STK32C: variants seen among roughly 807,000 people sequenced by gnomAD.
STK32C encodes serine/threonine-protein kinase 32C.
In STK32C, 31 loss-of-function variants were observed where a neutral mutation model predicts 56.5. That is an observed-to-expected ratio of 0.55 (90% CI 0.41 to 0.74). STK32C has a LOEUF of 0.74. STK32C is among the 30% of genes least tolerant of loss of function. The pLI, the probability that STK32C is intolerant of heterozygous loss-of-function variation, is 0.00. For missense variants in STK32C, 544 were observed against 676.9 expected (o/e 0.80, Z 2.18); for synonymous variants, 309 against 289.4 (o/e 1.07, Z -0.69).
intron 1 of STK32C, among the ~76,000 whole-genome samples, chr10:132,326,543 G>A (rs931573062): frequency 1.1e-4 from 17 of 152,120 alleles, no homozygotes; most frequent in Admixed American, 1.0e-3. Flanking sequence ...AGCTAGTCTC[G>A]ATCTCTTGAC....
intron 1 of STK32C, among the ~76,000 whole-genome samples, chr10:132,300,261 A>G (rs147852880): frequency 6.6e-6 from 1 of 152,202 alleles, no homozygotes; most frequent in Non-Finnish European, 1.5e-5. Flanking sequence ...ATTGGGGGCG[A>G]CACTGACTCC....
At chr10:132,242,749 G>C (rs886655700) in intron 2 of STK32C, among the ~76,000 whole-genome samples, 1 of 152,178 alleles carries the variant, frequency 6.6e-6, no homozygotes, top group Admixed American at 6.5e-5. Context: ...CCCTGCACAC[G>C]TAACACTAAT....
intron 4 of STK32C, 140 bp downstream of exon 4, chr10:132,226,655 G>A: frequency 1.0e-6 from 1 of 996,612 alleles, no homozygotes; most frequent in Non-Finnish European, 1.5e-6. Context: ...CACAGCTGGG[G>A]GCAGGCACTC....
intron 2 of STK32C, among the ~76,000 whole-genome samples, chr10:132,230,446 C>G (rs969735839): frequency 1.3e-5 from 2 of 152,352 alleles, no homozygotes; most frequent in African/African-American, 4.8e-5. Context: ...ACGGTGCTTT[C>G]CTGCGCCAGC....
chr10:132,307,435 C>T lies in STK32C; in HGVS notation c.262+137G>A, dbSNP rs919050200. On this transcript the variant is annotated intron_variant, in intron 1 of 11. Transcript: ENST00000298630. This position sits in a 1 kb window ranked among gnomAD's most constrained non-coding sequence, Gnocchi z 4.4. Reference sequence around the variant, plus strand: ...CGCGTGGGGCCGCAGCCACCCGGCGCGAGCTTCTCCGGAAGCCGGGGCGCC... The same window carrying T: ...CGCGTGGGGCCGCAGCCACCCGGCGTGAGCTTCTCCGGAAGCCGGGGCGCC... 7.8e-6 allele frequency: 8 copies of T among 1,031,216 alleles called. No homozygotes were observed. The African/African-American group carries it at 1.2e-4, about 16-fold the overall frequency. The allele number at this position is 1,031,216 out of a possible 1,614,324, so 63.9% of individuals were successfully genotyped here.
At chr10:132,227,555 T>C (rs991247534) in intron 3 of STK32C, among the ~76,000 whole-genome samples, 1 of 151,820 alleles carries the variant, frequency 6.6e-6, no homozygotes, top group Non-Finnish European at 1.5e-5. Context: ...TTGATTATAG[T>C]GATGACGGTG....
exon 2 of STK32C, chr10:132,324,134 G>A (rs11146329): frequency 0.12 from 82,401 of 679,124 alleles, 5,715 homozygotes; most frequent in South Asian, 0.18. Flanking sequence ...CACAGCAGCT[G>A]GGAAAATGGA....
At chr10:132,212,350 G>A (rs60552258) in intron 10 of STK32C, among the ~76,000 whole-genome samples, 5,479 of 152,286 alleles carry the variant, frequency 0.036, 445 homozygotes, top group East Asian at 0.35. Context: ...AATGGTGCTA[G>A]GACAGTCAGA....
rs553537997 is a variant in STK32C at position 132,280,898 on chromosome 10, C to A, written c.262+26674G>T. On this transcript the variant is annotated intron_variant, in intron 1 of 11. Coordinates refer to ENST00000298630, the MANE Select transcript of STK32C (RefSeq NM_173575.4). ...CACGCCCCTGCACTCCGTGACCACG[C>A]CCCTGCATCCTGTGACCATGCCCCT... is the stretch of plus-strand genomic sequence containing the variant. 9.9e-5 allele frequency among the ~76,000 whole-genome samples: 15 copies of A among 150,762 alleles called. 1 individual carries two copies. In the South Asian group the frequency reaches 3.0e-3, roughly 30 times the overall value.
chr10:132,251,257 G>A (rs2063895095), intron 1 of STK32C, among the ~76,000 whole-genome samples: 1 of 152,220 alleles, frequency 6.6e-6, no homozygotes, highest in Non-Finnish European at 1.5e-5. Context: ...GCTCTCATGG[G>A]GGCCCGTGGA....
At chr10:132,251,031 G>A (rs992566742) in intron 1 of STK32C, among the ~76,000 whole-genome samples, 3 of 152,196 alleles carry the variant, frequency 2.0e-5, no homozygotes, top group African/African-American at 7.2e-5. Context: ...AGGGGAGCCA[G>A]GGATGTCCCA....
rs1377132850 is a variant in STK32C, at chr10:132,233,989, T to C, written c.319-5861A>G. Among the ~76,000 whole-genome samples, 3 of 152,150 alleles carry C rather than the reference T, an allele frequency of 2.0e-5. No individual in the cohort carries two copies. In the East Asian group the frequency reaches 5.8e-4, roughly 29 times the overall value. ...CGCCACTGTGGAACTACTATGGACA[T>C]ACTGTTTTCTGGTGCTTGCATGCAA... On this transcript the variant is annotated intron_variant, in intron 2 of 11. Transcript: ENST00000298630.
chr10:132,222,538 G>C, intron 10 of STK32C, 103 bp downstream of exon 10: 3 of 1,430,570 alleles, frequency 2.1e-6, no homozygotes, highest in Non-Finnish European at 2.8e-6. Flanking sequence ...CTGGACTTCC[G>C]AGACGTGTGC....
At chr10:132,317,597 G>A (rs1426445094) in intron 1 of STK32C, among the ~76,000 whole-genome samples, 2 of 152,100 alleles carry the variant, frequency 1.3e-5, no homozygotes, top group East Asian at 1.9e-4. Context: ...TTCACATGGT[G>A]TGGTGGCATG....
intron 2 of STK32C, among the ~76,000 whole-genome samples, chr10:132,243,380 G>C (rs2063571446): frequency 6.6e-6 from 1 of 152,182 alleles, no homozygotes; most frequent in African/African-American, 2.4e-5. Context: ...AGCAGCCTGG[G>C]GGCGAGGCGG....
At chr10:132,259,032 CTG>C (rs1565119848) in intron 1 of STK32C, among the ~76,000 whole-genome samples, 1,842 of 130,010 alleles carry the variant, frequency 0.014, 38 homozygotes, top group African/African-American at 0.059. Flanking sequence ...TGGGAGGCTG[CTG>C]CACCGGGTAC....
At chr10:132,225,686 C>CAGGG in intron 5 of STK32C, 61 bp downstream of exon 5, 3 of 1,611,688 alleles carry the variant, frequency 1.9e-6, no homozygotes, top group Non-Finnish European at 2.5e-6. Flanking sequence ...GGATCCTCCT[C>CAGGG]CCCTGACAGG....
chr10:132,331,633 C>T, exon 1 of STK32C: 1 of 1,612,856 alleles, frequency 6.2e-7, no homozygotes, highest in Non-Finnish European at 8.5e-7. Flanking sequence ...GCAGCGAGGA[C>T]CGCTCCAAAG....
chr10:132,272,874 G>A (rs1249490456), intron 1 of STK32C, among the ~76,000 whole-genome samples: 2 of 152,050 alleles, frequency 1.3e-5, no homozygotes, highest in African/African-American at 2.4e-5. Context: ...CTCTGGCCTC[G>A]GCTCCTCCAC....
Sources: allele counts gnomAD v4.1 joint callset (sites outside exome capture counted in the v4.1 genomes callset), GRCh38; gene constraint gnomAD v4.1.1; non-coding constraint Gnocchi (gnomAD v3.1); transcripts MANE v1.5; gene names NCBI Gene and HGNC (gene_info 2026-07-23, HGNC 2026-07-21).